MEF2C: variants seen among roughly 807,000 people sequenced by gnomAD.
The protein encoded by MEF2C is myocyte enhancer factor 2C, also known as myocyte-specific enhancer factor 2C.
MEF2C carries 6 observed loss-of-function variants against 50.5 expected under a neutral mutation model. The ratio of observed to expected loss-of-function variants is 0.12; its 90% confidence interval spans 0.07 to 0.23. The LOEUF (loss-of-function observed/expected upper bound fraction) is 0.23. Among genes scored for constraint, MEF2C ranks in the 10% least tolerant of loss-of-function variants. The probability of loss-of-function intolerance (pLI) is 1.00; values close to 1 mark genes in which losing one functional copy is unlikely to be tolerated. For synonymous variants in MEF2C, 183 were observed against 228.0 expected, an observed-to-expected ratio of 0.80 and a Z score of 1.78; for missense variants, 276 against 605.0, an observed-to-expected ratio of 0.46 and a Z score of 5.70.
chr5:88,867,517 T>C (rs1827789084), intron 1 of MEF2C, among the ~76,000 whole-genome samples: 1 of 152,196 alleles, frequency 6.6e-6, no homozygotes, highest in Admixed American at 6.5e-5. Flanking sequence ...AATGAATTAA[T>C]GCATATAAAA....
chr5:88,753,908 A>G (rs903185380), intron 4 of MEF2C, among the ~76,000 whole-genome samples: 1 of 152,242 alleles, frequency 6.6e-6, no homozygotes, highest in Non-Finnish European at 1.5e-5. Flanking sequence ...ATATGCTGTA[A>G]AGTCGAAGTC....
intron 2 of MEF2C, 47 bp from the exon 3 acceptor site, chr5:88,804,848 T>C (rs1179921968): frequency 1.3e-6 from 2 of 1,500,628 alleles, no homozygotes; most frequent in African/African-American, 1.4e-5. Flanking sequence ...TATTCATGCA[T>C]GTGTGGTTTT....
chr5:88,892,574 A>G (rs1360326682), intron 1 of MEF2C, among the ~76,000 whole-genome samples: 1 of 152,242 alleles, frequency 6.6e-6, no homozygotes, highest in African/African-American at 2.4e-5. Context: ...GATGAGATTT[A>G]CCTTGGAAGA....
chr5:88,866,421 GA>G (rs1480925343), intron 1 of MEF2C, among the ~76,000 whole-genome samples: 2 of 152,172 alleles, frequency 1.3e-5, no homozygotes, highest in African/African-American at 4.8e-5. Flanking sequence ...TGGTAATTCA[GA>G]AATATCTGAG....
rs574384615 is a variant in MEF2C at position 88,901,285 on chromosome 5, G to A, written c.-240+2631C>T. Among the ~76,000 whole-genome samples the A allele has an allele frequency of 6.1e-3, 893 of 147,136 alleles. 6 individuals carry two copies. The highest frequency in any genetic ancestry group is 9.7e-3 in the Non-Finnish European group (647 of 66,540). On this transcript the variant is annotated intron_variant, in intron 1 of 11. Coordinates refer to the MEF2C transcript ENST00000340208. ...TTTTATCTTTACTGGGTTACATTTG[G>A]CACATGGACAGTTGACAGCTGTCAG... is the stretch of plus-strand genomic sequence containing the variant.
chr5:88,721,616 T>A lies in MEF2C; in HGVS notation c.*988A>T, dbSNP rs546721801. On this transcript the variant is annotated 3_prime_UTR_variant, in exon 11 of 11. Transcript: ENST00000504921. ...TATATTAGAAAGCTATACACAAGCATGTTAATTTCACAGATTTTTTTAAAA... is the reference window on the plus strand; with the variant it reads ...TATATTAGAAAGCTATACACAAGCAAGTTAATTTCACAGATTTTTTTAAAA... 4 of 152,686 alleles carry A rather than the reference T, an allele frequency of 2.6e-5. No individual in the cohort carries two copies. In the East Asian group the frequency reaches 7.7e-4, roughly 29 times the overall value. 9.5% of individuals were successfully genotyped at this position (152,686 alleles called of 1,614,324 possible).
At chr5:88,830,067 G>A (rs1225380022) in intron 1 of MEF2C, among the ~76,000 whole-genome samples, 1 of 152,044 alleles carries the variant, frequency 6.6e-6, no homozygotes, top group East Asian at 1.9e-4. Flanking sequence ...CTAATGATTA[G>A]CAATTCTGAC....
At chr5:88,790,961 G>A (rs929649768) in intron 3 of MEF2C, among the ~76,000 whole-genome samples, 1 of 152,132 alleles carries the variant, frequency 6.6e-6, no homozygotes, top group Non-Finnish European at 1.5e-5. Flanking sequence ...AATGAAAAGA[G>A]CCATCATCTT....
chr5:88,881,524 A>G (rs1302287989), intron 1 of MEF2C, among the ~76,000 whole-genome samples: 2 of 152,192 alleles, frequency 1.3e-5, no homozygotes, highest in African/African-American at 4.8e-5. Context: ...ATTAAATAAG[A>G]TGTTTTAGTT....
chr5:88,801,702 G>T (rs1798450347), intron 3 of MEF2C, among the ~76,000 whole-genome samples: 1 of 152,024 alleles, frequency 6.6e-6, no homozygotes, highest in Non-Finnish European at 1.5e-5. Flanking sequence ...TAGCCCCGAT[G>T]ATCTTGATCT....
At chr5:88,834,248 T>A (rs1267900790) in intron 1 of MEF2C, among the ~76,000 whole-genome samples, 1 of 152,120 alleles carries the variant, frequency 6.6e-6, no homozygotes, top group East Asian at 1.9e-4. Context: ...TGCCACAGCT[T>A]TGGAGCAGAC....
intron 1 of MEF2C, chr5:88,881,293 GAT>G (rs1385919431): frequency 6.6e-6 from 1 of 152,120 alleles, no homozygotes; most frequent in African/African-American, 2.4e-5. Flanking sequence ...CTTGAAATAG[GAT>G]GTTAGATAGG....
intron 1 of MEF2C, among the ~76,000 whole-genome samples, chr5:88,846,764 G>C (rs1819508857): frequency 6.6e-6 from 1 of 152,176 alleles, no homozygotes. Context: ...ACTGAGGTGA[G>C]TGAATATGTT....
chr5:88,734,561 GTTTGTTTTTTTTTTT>G (rs1763098929), intron 6 of MEF2C: 84 of 254,346 alleles, frequency 3.3e-4, no homozygotes, highest in Non-Finnish European at 3.7e-4. Context: ...CTTGAGAAAA[GTTTGTTTTTTTTTTT>G]TTTTTTTTTT....
chr5:88,737,199 C>A, intron 6 of MEF2C: 1 of 985,220 alleles, frequency 1.0e-6, no homozygotes, highest in Non-Finnish European at 1.2e-6. Flanking sequence ...GGTCTCTTCT[C>A]TTTATGCTAC....
chr5:88,829,376 T>C (rs1812152105), intron 1 of MEF2C, among the ~76,000 whole-genome samples: 1 of 151,964 alleles, frequency 6.6e-6, no homozygotes, highest in South Asian at 2.1e-4. Flanking sequence ...AAGCACTGAG[T>C]CCTTCTCCTT....
At chr5:88,890,426 T>C (rs1174122657) in intron 1 of MEF2C, among the ~76,000 whole-genome samples, 1 of 152,218 alleles carries the variant, frequency 6.6e-6, no homozygotes, top group Non-Finnish European at 1.5e-5. Flanking sequence ...GTTTATGTTA[T>C]CATGTTCTTG....
chr5:88,841,456 G>A (rs1817313987), intron 1 of MEF2C, among the ~76,000 whole-genome samples: 1 of 148,714 alleles, frequency 6.7e-6, no homozygotes, highest in South Asian at 2.1e-4. Flanking sequence ...GCAGTGAGAT[G>A]TGGTTGCACA....
At chr5:88,840,571 ATT>A (rs1816968266) in intron 1 of MEF2C, among the ~76,000 whole-genome samples, 1 of 151,780 alleles carries the variant, frequency 6.6e-6, no homozygotes, top group Non-Finnish European at 1.5e-5. Flanking sequence ...CAATTTTGTA[ATT>A]TTTCCCTTGC....
Sources: allele counts gnomAD v4.1 joint callset (sites outside exome capture counted in the v4.1 genomes callset), GRCh38; gene constraint gnomAD v4.1.1; transcripts MANE v1.5; gene names NCBI Gene and HGNC (gene_info 2026-07-23, HGNC 2026-07-21).